Variants in MRPL3 observed in about 807,000 individuals in gnomAD.
MRPL3 encodes the protein large ribosomal subunit protein uL3m.
Under a neutral mutation model 44.3 loss-of-function variants are expected in MRPL3, and 43 were observed. That is an observed-to-expected ratio of 0.97 (90% CI 0.76 to 1.25). The LOEUF (loss-of-function observed/expected upper bound fraction) is 1.25, where lower values mean the gene tolerates loss of function less well. Among genes scored for constraint, MRPL3 ranks in the 50% most tolerant of loss-of-function variants. The probability of loss-of-function intolerance (pLI) is 0.00; values close to 1 mark genes in which losing one functional copy is unlikely to be tolerated. For missense variants in MRPL3, 406 were observed against 427.6 expected, an observed-to-expected ratio of 0.95 and a Z score of 0.45; for synonymous variants, 171 against 152.3, an observed-to-expected ratio of 1.12 and a Z score of -0.91.
chr3:131,468,027 T>C (rs1933657086), intron 9 of MRPL3, 64 bp downstream of exon 9: 2 of 845,396 alleles, frequency 2.4e-6, no homozygotes, highest in East Asian at 2.8e-5. Context: ...AGATAGTAAT[T>C]TGTTAGCTTG....
At chr3:131,486,513 T>C (rs1934128868) in intron 6 of MRPL3, among the ~76,000 whole-genome samples, 1 of 151,290 alleles carries the variant, frequency 6.6e-6, no homozygotes, top group African/African-American at 2.4e-5. Context: ...TAGTTACATA[T>C]GTATACATGT....
intron 9 of MRPL3, among the ~76,000 whole-genome samples, 163 bp downstream of exon 9, chr3:131,467,928 G>A (rs1172414934): frequency 1.3e-5 from 2 of 151,408 alleles, no homozygotes; most frequent in Non-Finnish European, 2.9e-5. Flanking sequence ...GAGAACATGT[G>A]GAAAAACAGC....
chr3:131,502,096 C>T (rs1372848418), intron 1 of MRPL3, among the ~76,000 whole-genome samples: 1 of 152,198 alleles, frequency 6.6e-6, no homozygotes, highest in African/African-American at 2.4e-5. Flanking sequence ...AGCTCACCTC[C>T]TCCCTGCAAT....
intron 6 of MRPL3, among the ~76,000 whole-genome samples, chr3:131,472,542 T>G (rs1192767744): frequency 6.6e-6 from 1 of 152,190 alleles, no homozygotes; most frequent in African/African-American, 2.4e-5. Context: ...AAGACAAGTA[T>G]GCCCAATTTC....
intron 3 of MRPL3, among the ~76,000 whole-genome samples, chr3:131,499,029 A>G (rs1395600434): frequency 6.6e-6 from 1 of 152,234 alleles, no homozygotes; most frequent in East Asian, 1.9e-4. Flanking sequence ...AAGTTTGAGA[A>G]GCACTGCCCT....
chr3:131,489,753 C>T (rs1238849787), intron 5 of MRPL3, among the ~76,000 whole-genome samples: 2 of 151,328 alleles, frequency 1.3e-5, no homozygotes, highest in African/African-American at 2.4e-5. Context: ...ATTAAACTCT[C>T]TCTACATTAA....
At position 131,490,213 on chromosome 3, in the gene MRPL3, G is replaced by A. The variant is rs950863070; in HGVS notation, c.469-133C>T. The A allele has an allele frequency of 1.1e-5, 7 of 611,040 alleles. No homozygotes were observed. The African/African-American group carries it at 1.3e-4, about 11-fold the overall frequency. 37.9% of individuals were successfully genotyped at this position (611,040 alleles called of 1,614,324 possible). A position where few individuals can be genotyped will look rare whatever the true frequency, so the allele number is the denominator to read the frequency against. ...ATACCTTATTCCTTAATGAACAAAG[G>A]GCACCCAATTCCCCTTATTTAAGGG... On this transcript the variant is annotated intron_variant, in intron 4 of 9. Transcript: ENST00000264995.
chr3:131,486,741 T>C (rs1934134582), intron 6 of MRPL3, among the ~76,000 whole-genome samples: 1 of 151,708 alleles, frequency 6.6e-6, no homozygotes. Context: ...GAAATGCAAA[T>C]CAAAACCACA....
intron 7 of MRPL3, among the ~76,000 whole-genome samples, 176 bp from the exon 8 acceptor site, chr3:131,469,949 T>C (rs758316977): frequency 6.6e-6 from 1 of 152,130 alleles, no homozygotes; most frequent in African/African-American, 2.4e-5. Flanking sequence ...TCCTAGAGGA[T>C]TTCCTTTCTA....
At chr3:131,491,640 T>C (rs552576309) in intron 4 of MRPL3, among the ~76,000 whole-genome samples, 4 of 152,254 alleles carry the variant, frequency 2.6e-5, no homozygotes, top group African/African-American at 9.6e-5. Flanking sequence ...CCTTGATTCT[T>C]TTCTTCTTCA....
At chr3:131,474,432 G>A (rs982870437) in intron 6 of MRPL3, among the ~76,000 whole-genome samples, 2 of 152,044 alleles carry the variant, frequency 1.3e-5, no homozygotes, top group Non-Finnish European at 2.9e-5. Flanking sequence ...GGGAGAGGTT[G>A]GTTAATAGGT....
chr3:131,486,343 A>C (rs186875502), intron 6 of MRPL3, among the ~76,000 whole-genome samples: 2 of 139,020 alleles, frequency 1.4e-5, no homozygotes, highest in East Asian at 4.1e-4. Flanking sequence ...GATCTCATTA[A>C]ACCAAAGAGC....
intron 6 of MRPL3, among the ~76,000 whole-genome samples, chr3:131,480,943 T>C (rs1933971059): frequency 6.6e-6 from 1 of 152,178 alleles, no homozygotes; most frequent in African/African-American, 2.4e-5. Flanking sequence ...AGGTTAAAGA[T>C]AATGAAATCG....
chr3:131,498,435 A>G, intron 3 of MRPL3, among the ~76,000 whole-genome samples, 158 bp from the exon 4 acceptor site: 1 of 151,950 alleles, frequency 6.6e-6, no homozygotes. Context: ...TATAAATTAA[A>G]AAAAAAAAGA....
At chr3:131,483,971 ATTT>A (rs1934054764) in intron 6 of MRPL3, among the ~76,000 whole-genome samples, 1 of 152,186 alleles carries the variant, frequency 6.6e-6, no homozygotes, top group Non-Finnish European at 1.5e-5. Context: ...AGGGATTGAG[ATTT>A]TTCTCTTTTC....
chr3:131,492,858 T>G (rs1422713775), intron 4 of MRPL3, among the ~76,000 whole-genome samples: 1 of 152,210 alleles, frequency 6.6e-6, no homozygotes, highest in African/African-American at 2.4e-5. Flanking sequence ...ATTGTAAATA[T>G]CACTACAACC....
At chr3:131,489,179 T>C (rs1934193459) in intron 5 of MRPL3, among the ~76,000 whole-genome samples, 1 of 152,120 alleles carries the variant, frequency 6.6e-6, no homozygotes, top group African/African-American at 2.4e-5. Context: ...AGTATTTCCA[T>C]TATAAACTAT....
chr3:131,481,177 G>C (rs1320903258), intron 6 of MRPL3, among the ~76,000 whole-genome samples: 1 of 152,132 alleles, frequency 6.6e-6, no homozygotes, highest in Non-Finnish European at 1.5e-5. Context: ...AAATTACCTA[G>C]AGTGTTTTGT....
intron 6 of MRPL3, among the ~76,000 whole-genome samples, chr3:131,486,549 T>C (rs909983290): frequency 1.3e-5 from 2 of 151,972 alleles, no homozygotes; most frequent in Non-Finnish European, 2.9e-5. Flanking sequence ...TGGAAAATTT[T>C]TGTAATCTAC....
Sources: gnomAD v4.1 joint callset for allele counts (sites outside exome capture counted in the v4.1 genomes callset) on GRCh38, gnomAD v4.1.1 for gene constraint, MANE v1.5 for transcripts, NCBI Gene and HGNC (gene_info 2026-07-23, HGNC 2026-07-21) for gene names.